The following ALKBH3 variants were observed in gnomAD, a reference collection of about 807,000 sequenced individuals.
ALKBH3 encodes alkB homolog 3, alpha-ketoglutarate dependent dioxygenase, also known as alpha-ketoglutarate-dependent dioxygenase alkB homolog 3.
A neutral mutation model predicts 43.9 loss-of-function variants in ALKBH3; 51 were observed. That is an observed-to-expected ratio of 1.16 (90% confidence interval 0.93 to 1.47). The LOEUF (loss-of-function observed/expected upper bound fraction) is 1.47. ALKBH3 is among the 40% of genes most tolerant of loss of function. The pLI, the probability that ALKBH3 is intolerant of heterozygous loss-of-function variation, is 0.00. For synonymous variants in ALKBH3, 102 were observed against 115.2 expected (o/e 0.89, Z 0.73); for missense variants, 361 against 351.9 (o/e 1.03, Z -0.21).
At position 43,882,871 on chromosome 11, in the gene ALKBH3, C is replaced by G; in HGVS notation, c.79+140C>G. 6.5e-6 allele frequency: 7 copies of G among 1,081,156 alleles called. No individual in the cohort carries two copies. The South Asian group carries it at 1.2e-4, about 19-fold the overall frequency. The allele number at this position is 1,081,156 out of a possible 1,614,324, so 67.0% of individuals were successfully genotyped here. A position where few individuals can be genotyped will look rare whatever the true frequency, so the allele number is the denominator to read the frequency against. On this transcript the variant is annotated intron_variant, in intron 2 of 9. Transcript: ENST00000302708. ...TTTAAAATGTGGCTGATATTTTGTC[C>G]GATTTTGTTGATGGTGAGCTAAGGG... is the stretch of plus-strand genomic sequence containing the variant.
chr11:43,913,037 A>G (rs1951952470), intron 8 of ALKBH3, among the ~76,000 whole-genome samples: 1 of 149,474 alleles, frequency 6.7e-6, no homozygotes, highest in South Asian at 2.1e-4. Context: ...CAAATCACAT[A>G]TTTACATATT....
intron 8 of ALKBH3, among the ~76,000 whole-genome samples, chr11:43,903,275 T>G (rs1404920156): frequency 2.0e-5 from 3 of 152,188 alleles, no homozygotes; most frequent in Non-Finnish European, 4.4e-5. Flanking sequence ...AAACCAGCTT[T>G]TGCTATATTT....
chr11:43,913,808 C>G (rs1951960557), intron 8 of ALKBH3, among the ~76,000 whole-genome samples: 4 of 152,180 alleles, frequency 2.6e-5, no homozygotes, highest in Admixed American at 2.6e-4. Context: ...GCTGGGCAAC[C>G]CTGGAGCTGA....
rs1951936497 is a variant in ALKBH3, at chr11:43,911,239, A to G, written c.670-7799A>G. On this transcript the variant is annotated intron_variant, in intron 8 of 9. Transcript: ENST00000302708. ...TAAGGTGGCATTGGGGATGAAGAGA[A>G]GTTAATGGGTTTGAGGTATATTTCT... is the stretch of plus-strand genomic sequence containing the variant. Among the ~76,000 whole-genome samples, 3 of 152,314 alleles carry G rather than the reference A, an allele frequency of 2.0e-5. No individual in the cohort carries two copies. In the South Asian group the frequency reaches 6.2e-4, roughly 32 times the overall value.
At chr11:43,900,928 T>G (rs887451054) in intron 7 of ALKBH3, among the ~76,000 whole-genome samples, 3 of 152,230 alleles carry the variant, frequency 2.0e-5, no homozygotes, top group African/African-American at 7.2e-5. Context: ...ATATCATGAT[T>G]CTCATTCTTT....
chr11:43,917,457 G>T (rs750753416), intron 8 of ALKBH3, among the ~76,000 whole-genome samples: 1 of 152,092 alleles, frequency 6.6e-6, no homozygotes, highest in Non-Finnish European at 1.5e-5. Context: ...TGTAGATTAA[G>T]CCCATGTTGC....
At chr11:43,913,529 A>G in intron 8 of ALKBH3, among the ~76,000 whole-genome samples, 1 of 152,238 alleles carries the variant, frequency 6.6e-6, no homozygotes, top group Non-Finnish European at 1.5e-5. Flanking sequence ...CCTATGCTAC[A>G]ATCAGTTGCT....
chr11:43,914,771 A>G (rs1951969290), intron 8 of ALKBH3, among the ~76,000 whole-genome samples: 2 of 152,212 alleles, frequency 1.3e-5, no homozygotes, highest in Middle Eastern at 3.2e-3. Flanking sequence ...AAAAAGTATG[A>G]CAAACAAATG....
intron 8 of ALKBH3, among the ~76,000 whole-genome samples, chr11:43,915,408 C>T (rs1355337562): frequency 6.6e-6 from 1 of 152,116 alleles, no homozygotes; most frequent in Non-Finnish European, 1.5e-5. Context: ...TAATATAAAT[C>T]AAGTGCCTTA....
At position 43,901,592 on chromosome 11, in the gene ALKBH3, A is replaced by G. The variant is rs765627435; in HGVS notation, c.536A>G (p.Asn179Ser). Residue 179 changes from asparagine (N) to serine (S), a missense_variant, in exon 8 of 10, where the codon AAT becomes AGT. Physicochemically the swap from Asn to Ser is conservative, Grantham distance 46. Transcript: ENST00000302708. ...TGHTFNSLLC[N>S]LYRNEKDSVD... is the part of the protein sequence containing the mutation. ...CACACCTTCAACTCCTTACTCTGCA[A>G]TCTTTATCGCAATGAGAAGGACAGC... is the stretch of plus-strand genomic sequence containing the variant. 23 of 1,614,142 alleles carry G rather than the reference A, an allele frequency of 1.4e-5. No individual in the cohort carries two copies. The highest frequency in any genetic ancestry group is 6.7e-5 in the African/African-American group (5 of 74,958).
At chr11:43,914,719 A>G (rs1403975379) in intron 8 of ALKBH3, among the ~76,000 whole-genome samples, 1 of 152,226 alleles carries the variant, frequency 6.6e-6, no homozygotes, top group East Asian at 1.9e-4. Context: ...AAATACCATA[A>G]GTACAGTTAA....
intron 6 of ALKBH3, among the ~76,000 whole-genome samples, chr11:43,890,111 T>A (rs1951772946): frequency 6.7e-6 from 1 of 148,320 alleles, no homozygotes; most frequent in Non-Finnish European, 1.5e-5. Flanking sequence ...CTGACATACT[T>A]ATCTCCTTTT....
At chr11:43,898,331 C>A in intron 7 of ALKBH3, 1 of 715,562 alleles carries the variant, frequency 1.4e-6, no homozygotes, top group Non-Finnish European at 2.5e-6. Context: ...ATTTGTCAAT[C>A]TTTGGCGTGG....
At chr11:43,895,921 A>G (rs1951815290) in intron 7 of ALKBH3, among the ~76,000 whole-genome samples, 1 of 152,212 alleles carries the variant, frequency 6.6e-6, no homozygotes, top group Non-Finnish European at 1.5e-5. Context: ...GTCTTTGAGT[A>G]TGTGTCTTCC....
At chr11:43,891,032 A>AT (rs763869495) in intron 6 of ALKBH3, among the ~76,000 whole-genome samples, 3 of 152,092 alleles carry the variant, frequency 2.0e-5, no homozygotes, top group Non-Finnish European at 4.4e-5. Flanking sequence ...ATTTTTATAT[A>AT]TTTTTTGAGT....
chr11:43,887,986 A>G lies in ALKBH3; in HGVS notation c.266+1333A>G, dbSNP rs1951758160. On this transcript the variant is annotated intron_variant, in intron 5 of 9. Transcript: ENST00000302708. ...TTTTTTTTTTGTATTTTTAGTAGAG[A>G]CGAGGTTTCACCGTGTTATTCAGCA... 5.3e-5 allele frequency among the ~76,000 whole-genome samples: 8 copies of G among 149,990 alleles called. No individual in the cohort carries two copies. In the South Asian group the frequency reaches 1.7e-3, roughly 32 times the overall value.
At chr11:43,911,733 A>C (rs773952740) in intron 8 of ALKBH3, among the ~76,000 whole-genome samples, 4 of 152,222 alleles carry the variant, frequency 2.6e-5, no homozygotes, top group Non-Finnish European at 4.4e-5. Flanking sequence ...GATGGCTTAG[A>C]CAACTATTTG....
chr11:43,890,213 G>T (rs1042602564), intron 6 of ALKBH3, among the ~76,000 whole-genome samples: 2 of 151,900 alleles, frequency 1.3e-5, no homozygotes, highest in Non-Finnish European at 2.9e-5. Context: ...ATCCTATTTT[G>T]CATACATTCT....
chr11:43,907,231 G>C (rs552584528), intron 8 of ALKBH3, among the ~76,000 whole-genome samples: 1 of 152,016 alleles, frequency 6.6e-6, no homozygotes, highest in Non-Finnish European at 1.5e-5. Flanking sequence ...GTGTGTGTGC[G>C]TGTGTGTGTT....
Sources: gnomAD v4.1 joint callset for allele counts (sites outside exome capture counted in the v4.1 genomes callset) on GRCh38, gnomAD v4.1.1 for gene constraint, MANE v1.5 for transcripts, NCBI Gene and HGNC (gene_info 2026-07-23, HGNC 2026-07-21) for gene names.